PKD1L1: variants seen among roughly 807,000 people sequenced by gnomAD.
PKD1L1 encodes the protein polycystin 1 like 1, transient receptor potential channel interacting.
In PKD1L1, 236 loss-of-function variants were observed where a neutral mutation model predicts 323.4. The ratio of observed to expected loss-of-function variants is 0.73; its 90% confidence interval spans 0.66 to 0.81. The LOEUF is 0.81. Among genes scored for constraint, PKD1L1 ranks in the 40% least tolerant of loss-of-function variants. The pLI is 0.00. For missense variants in PKD1L1, 3,320 were observed against 3,508.0 expected, an observed-to-expected ratio of 0.95 and a Z score of 1.35; for synonymous variants, 1,344 against 1,335.0, an observed-to-expected ratio of 1.01 and a Z score of -0.15.
At chr7:47,945,590 T>C (rs1788077841) in intron 1 of PKD1L1, among the ~76,000 whole-genome samples, 1 of 151,946 alleles carries the variant, frequency 6.6e-6, no homozygotes, top group Non-Finnish European at 1.5e-5. Context: ...AAAATAACAA[T>C]AATAGAAAAG....
intron 46 of PKD1L1, among the ~76,000 whole-genome samples, chr7:47,816,511 C>T (rs552412351): frequency 3.3e-5 from 5 of 152,278 alleles, no homozygotes; most frequent in African/African-American, 9.6e-5. Context: ...TCTCACCTAA[C>T]TCTAAAAAAC....
At chr7:47,862,471 G>A (rs543696262) in intron 26 of PKD1L1, among the ~76,000 whole-genome samples, 13 of 152,270 alleles carry the variant, frequency 8.5e-5, no homozygotes, top group South Asian at 4.2e-4. Context: ...CCTGCCATGC[G>A]TTACACCTAT....
In PKD1L1 at chr7:47,855,015, A is replaced by C; in HGVS notation, c.4726T>G (p.Phe1576Val). Residue 1576 changes from phenylalanine to valine, a missense_variant, in exon 30 of 57, where the codon TTT becomes GTT. Physicochemically the swap from Phe to Val is conservative, Grantham distance 50. Coordinates refer to ENST00000289672, the MANE Select transcript of PKD1L1 (RefSeq NM_138295.5). The part of the protein sequence containing the change: ...GLDNRRNKTT[F>V]VLLRDKVNLH... ...TTCACTTTATCCCGAAGTAATACAA[A>C]TGTCGTTTTATTTCTCCTATTATCC... 6.2e-7 allele frequency: 1 copy of C among 1,612,990 alleles called. No individual in the cohort carries two copies. The highest frequency in any genetic ancestry group is 8.5e-7 in the Non-Finnish European group (1 of 1,179,792).
At chr7:47,821,527 C>G (rs1199673165) in intron 45 of PKD1L1, among the ~76,000 whole-genome samples, 1 of 152,102 alleles carries the variant, frequency 6.6e-6, no homozygotes, top group East Asian at 1.9e-4. Context: ...CCTCAGCCTC[C>G]CAAAGTGCTG....
In PKD1L1 at chr7:47,811,936, T is replaced by G; in HGVS notation, c.7462A>C (p.Ser2488Arg). 1 of 1,606,670 alleles carries G rather than the reference T, an allele frequency of 6.2e-7. No homozygotes were observed. Among genetic ancestry groups the G allele is most frequent in the Non-Finnish European group, 8.5e-7 (1 of 1,176,736 alleles). The change falls in exon 50 of 57, where the codon AGC (serine) becomes CGC (arginine). Residue 2488 changes from serine (S) to arginine (R), a missense_variant. By Grantham distance (110) the Ser-to-Arg change is moderately radical. Coordinates refer to ENST00000289672, the MANE Select transcript of PKD1L1 (RefSeq NM_138295.5). ...LYNPPTQLFT[S>R]VSLRVEILPT... is the part of the protein sequence containing the mutation. ...AGGATCTCCACTCTCAGGGACACGCTGGTGAAGAGTTGGGTTGGAGGGTTA... is the reference window on the plus strand; with the variant it reads ...AGGATCTCCACTCTCAGGGACACGCGGGTGAAGAGTTGGGTTGGAGGGTTA...
At chr7:47,790,290 A>G (rs1322281856) in intron 56 of PKD1L1, among the ~76,000 whole-genome samples, 1 of 151,910 alleles carries the variant, frequency 6.6e-6, no homozygotes, top group African/African-American at 2.4e-5. Flanking sequence ...ACATTTAAAC[A>G]GTTTTTTATG....
chr7:47,845,912 A>G (rs1252298648), intron 32 of PKD1L1, among the ~76,000 whole-genome samples: 2 of 152,188 alleles, frequency 1.3e-5, no homozygotes, highest in African/African-American at 4.8e-5. Flanking sequence ...TGGCTCATAA[A>G]AAAGTGCCTA....
At position 47,886,194 on chromosome 7, in the gene PKD1L1, G is replaced by A. The variant is rs541582116; in HGVS notation, c.2837-140C>T. ...TGAAAACCTACACTTAAGAGATACA[G>A]GGCAGAGAGTGTGGTGTTGGCGTGT... On this transcript the variant is annotated intron_variant, in intron 17 of 56. Coordinates refer to ENST00000289672, the MANE Select transcript of PKD1L1 (RefSeq NM_138295.5). 24 of 1,162,720 alleles carry A rather than the reference G, an allele frequency of 2.1e-5. No homozygotes were observed. The African/African-American group carries it at 3.4e-4, about 17-fold the overall frequency. The allele number at this position is 1,162,720 out of a possible 1,614,324, so 72.0% of individuals were successfully genotyped here.
intron 52 of PKD1L1, among the ~76,000 whole-genome samples, chr7:47,806,788 T>A (rs1442534428): frequency 6.6e-6 from 1 of 152,238 alleles, no homozygotes; most frequent in Non-Finnish European, 1.5e-5. Flanking sequence ...GTGCTAGGAA[T>A]GCAATATCCG....
intron 51 of PKD1L1, 167 bp downstream of exon 51, chr7:47,809,306 T>C: frequency 3.5e-6 from 2 of 576,948 alleles, no homozygotes; most frequent in South Asian, 4.4e-5. Context: ...CAACACTAAA[T>C]GATACCTGAT....
chr7:47,774,683 T>A lies in PKD1L1; in HGVS notation c.*460A>T. 6.5e-6 allele frequency: 1 copy of A among 152,884 alleles called. No individual in the cohort carries two copies. The highest frequency in any genetic ancestry group is 6.5e-5 in the Admixed American group (1 of 15,312). 9.5% of individuals were successfully genotyped at this position (152,884 alleles called of 1,614,324 possible). A position where few individuals can be genotyped will look rare whatever the true frequency, so the allele number is the denominator to read the frequency against. ...AGATGCGTTATTAATCTAGCAAGAT[T>A]CAATTGTTAAATTTACAAAATAAGG... is the stretch of plus-strand genomic sequence containing the variant. On this transcript the variant is annotated 3_prime_UTR_variant, in exon 57 of 57. Transcript: ENST00000289672.
intron 45 of PKD1L1, among the ~76,000 whole-genome samples, chr7:47,821,960 A>T (rs1785150993): frequency 6.6e-6 from 1 of 152,088 alleles, no homozygotes; most frequent in Admixed American, 6.5e-5. Flanking sequence ...AAGTGCTTGG[A>T]TTACAGGCAT....
At chr7:47,959,246 C>T in the PKD1L1 span, among the ~76,000 whole-genome samples, 213 of 151,910 alleles carry the variant, frequency 1.4e-3, 2 homozygotes, top group Middle Eastern at 0.01. Flanking sequence ...GCCGCCACCC[C>T]GTCTGGGAAG....
chr7:47,873,965 T>C lies in PKD1L1; in HGVS notation c.3830A>G (p.Gln1277Arg), dbSNP rs771717226. The C allele has an allele frequency of 6.2e-7, 1 of 1,614,048 alleles. No individual in the cohort carries two copies. The highest frequency in any genetic ancestry group is 8.5e-7 in the Non-Finnish European group (1 of 1,179,966). The change falls in exon 24 of 57, where the codon CAG becomes CGG. Residue 1277 changes from glutamine to arginine, a missense_variant. Physicochemically the swap from Gln to Arg is conservative, Grantham distance 43 (BLOSUM62 1). Coordinates refer to ENST00000289672, the MANE Select transcript of PKD1L1 (RefSeq NM_138295.5). ...CACAGTCACCACCACAGTGCACGGCTGGACCTTGGAGCCTTTGCCATCTGT... is the reference window on the plus strand; with the variant it reads ...CACAGTCACCACCACAGTGCACGGCCGGACCTTGGAGCCTTTGCCATCTGT... ...EITDGKGSKV[Q>R]PCTVVVTVLP...
intron 56 of PKD1L1, among the ~76,000 whole-genome samples, chr7:47,781,394 T>G (rs952453438): frequency 4.5e-4 from 37 of 81,398 alleles, no homozygotes; most frequent in Non-Finnish European, 5.5e-4. Context: ...AAGGTTTTTT[T>G]TTTTGTTTTG....
At chr7:47,904,717 G>C (rs1227411936) in intron 11 of PKD1L1, 100 bp from the exon 12 acceptor site, 1 of 1,360,206 alleles carries the variant, frequency 7.4e-7, no homozygotes, top group East Asian at 2.4e-5. Flanking sequence ...GGAAGGCGGG[G>C]GAGGGGGAGG....
At chr7:47,803,131 T>A (rs1784700717) in intron 53 of PKD1L1, 79 bp downstream of exon 53, 1 of 1,568,618 alleles carries the variant, frequency 6.4e-7, no homozygotes, top group Non-Finnish European at 8.7e-7. Flanking sequence ...GCAGTTTGTT[T>A]TTCCCTTGAG....
chr7:47,887,673 C>A (rs58688602), intron 17 of PKD1L1, among the ~76,000 whole-genome samples: 4,438 of 152,328 alleles, frequency 0.029, 229 homozygotes, highest in African/African-American at 0.1. Context: ...GCCCTCTGGG[C>A]AGTGTGTCAC....
the PKD1L1 span, among the ~76,000 whole-genome samples, chr7:47,960,007 T>C: frequency 6.7e-6 from 1 of 149,608 alleles, no homozygotes; most frequent in African/African-American, 2.5e-5. Flanking sequence ...GGGAGACTTT[T>C]CATTTTGTTC....
Sources: gnomAD v4.1 joint callset for allele counts (sites outside exome capture counted in the v4.1 genomes callset) on GRCh38, gnomAD v4.1.1 for gene constraint, MANE v1.5 for transcripts, NCBI Gene and HGNC (gene_info 2026-07-23, HGNC 2026-07-21) for gene names.